Variants in ANK3 observed in about 807,000 individuals in gnomAD.
ANK3 encodes the protein ankyrin-3.
In ANK3, 57 loss-of-function variants were observed where a neutral mutation model predicts 370.9. That is an observed-to-expected ratio of 0.15 (90% CI 0.12 to 0.19). The LOEUF (loss-of-function observed/expected upper bound fraction) is 0.19, where lower values mean the gene tolerates loss of function less well. Ranked by LOEUF, ANK3 falls within the 10% of genes least tolerant of loss-of-function variation. The pLI, the probability that ANK3 is intolerant of heterozygous loss-of-function variation, is 1.00. For missense variants in ANK3, 4,439 were observed against 5,302.1 expected (o/e 0.84, Z 5.06); for synonymous variants, 1,929 against 1,946.3 (o/e 0.99, Z 0.23).
chr10:60,571,406 C>T (rs184342926), intron 2 of ANK3, among the ~76,000 whole-genome samples: 48 of 152,242 alleles, frequency 3.2e-4, no homozygotes, highest in Admixed American at 2.2e-3. Flanking sequence ...ATATATTCCA[C>T]GAGTAGCTGA....
At chr10:60,722,190 G>T (rs1191151920) in intron 1 of ANK3, among the ~76,000 whole-genome samples, 1 of 151,872 alleles carries the variant, frequency 6.6e-6, no homozygotes, top group Non-Finnish European at 1.5e-5. Flanking sequence ...GAAGGATAGG[G>T]CCGCAAAGAA....
chr10:60,674,434 C>A (rs2079099550), intron 1 of ANK3, among the ~76,000 whole-genome samples: 1 of 151,982 alleles, frequency 6.6e-6, no homozygotes, highest in South Asian at 2.1e-4. Flanking sequence ...AGAGAGGGAG[C>A]AGGGAGGAGG....
At chr10:60,492,577 G>C (rs752515305) in intron 2 of ANK3, among the ~76,000 whole-genome samples, 27 of 151,010 alleles carry the variant, frequency 1.8e-4, no homozygotes, top group South Asian at 6.3e-4. Flanking sequence ...CATGGTGGCG[G>C]GCACCTGTAG....
chr10:60,341,773 G>A (rs1463148865), intron 1 of ANK3, among the ~76,000 whole-genome samples: 1 of 152,160 alleles, frequency 6.6e-6, no homozygotes, highest in Non-Finnish European at 1.5e-5. Flanking sequence ...ACACAGTTTA[G>A]TCAAAAGAAA....
chr10:60,555,694 A>C (rs995611676), intron 2 of ANK3, among the ~76,000 whole-genome samples: 2 of 152,124 alleles, frequency 1.3e-5, no homozygotes, highest in Non-Finnish European at 2.9e-5. Context: ...GAGTAACATC[A>C]GTTTGGACCG....
At chr10:60,641,250 T>C (rs1457981499) in intron 1 of ANK3, among the ~76,000 whole-genome samples, 1 of 149,290 alleles carries the variant, frequency 6.7e-6, no homozygotes, top group Admixed American at 6.7e-5. Flanking sequence ...AAGCTACCAA[T>C]GACTTTCTTC....
At chr10:60,323,248 T>C (rs542267386) in intron 1 of ANK3, among the ~76,000 whole-genome samples, 37 of 152,296 alleles carry the variant, frequency 2.4e-4, no homozygotes, top group South Asian at 6.2e-4. Flanking sequence ...TGCAGGAGCA[T>C]AGAAGTCCCT....
In ANK3 at chr10:60,074,547, G is replaced by T; in HGVS notation, c.6334C>A (p.Pro2112Thr). ...FFGTDTILESPDDFSQHDQDK... is the reference protein window; with the variant it reads ...FFGTDTILESTDDFSQHDQDK... ...TGGTCGTGTTGAGAAAAGTCATCAG[G>T]AGACTCTAAAATAGTATCTGTTCCA... Residue 2112 changes from proline (P) to threonine (T), a missense_variant, in exon 37 of 44, where the codon CCT becomes ACT. Pro to Thr is a conservative substitution (Grantham distance 38). This residue lies in a region of ANK3 where 679 missense variants were observed against 791.0 expected (regional missense o/e 0.86). Transcript: ENST00000280772. 6.2e-7 allele frequency: 1 copy of T among 1,614,002 alleles called. No individual in the cohort carries two copies. The highest frequency in any genetic ancestry group is 8.5e-7 in the Non-Finnish European group (1 of 1,179,988).
intron 40 of ANK3, among the ~76,000 whole-genome samples, chr10:60,060,907 G>T (rs1187562005): frequency 6.6e-6 from 1 of 152,134 alleles, no homozygotes; most frequent in Non-Finnish European, 1.5e-5. Flanking sequence ...AAAAGGGGAG[G>T]GGGGAACGAA....
chr10:60,635,458 GC>G (rs1216118557), intron 1 of ANK3, among the ~76,000 whole-genome samples: 1 of 152,010 alleles, frequency 6.6e-6, no homozygotes, highest in African/African-American at 2.4e-5. Flanking sequence ...ACAACCAAGG[GC>G]CACTCCTTCT....
At chr10:60,262,347 A>G (rs2097820056) in intron 6 of ANK3, among the ~76,000 whole-genome samples, 1 of 152,206 alleles carries the variant, frequency 6.6e-6, no homozygotes, top group African/African-American at 2.4e-5. Flanking sequence ...TAGTTTATAT[A>G]TTTGATATAG....
intron 30 of ANK3, among the ~76,000 whole-genome samples, chr10:60,085,803 A>G (rs993124347): frequency 3.3e-5 from 5 of 152,022 alleles, no homozygotes; most frequent in Admixed American, 1.3e-4. Flanking sequence ...TTTAGTAGAG[A>G]CGGGGTTTCA....
At chr10:60,375,476 G>A (rs1365875774) in intron 1 of ANK3, among the ~76,000 whole-genome samples, 2 of 151,534 alleles carry the variant, frequency 1.3e-5, no homozygotes, top group African/African-American at 4.9e-5. Context: ...GAACTCAAAG[G>A]TAACCCATTA....
chr10:60,620,987 C>T (rs1019108461), intron 1 of ANK3, among the ~76,000 whole-genome samples: 4 of 152,014 alleles, frequency 2.6e-5, no homozygotes, highest in Non-Finnish European at 4.4e-5. Flanking sequence ...CTAAATTGCC[C>T]GAAGTTACGC....
At chr10:60,208,550 T>C (rs527923919) in intron 9 of ANK3, among the ~76,000 whole-genome samples, 1 of 152,266 alleles carries the variant, frequency 6.6e-6, no homozygotes, top group South Asian at 2.1e-4. Context: ...AGAGATGGGG[T>C]TTCACTCTGT....
intron 23 of ANK3, chr10:60,139,777 T>C (rs1288841368): frequency 6.5e-6 from 1 of 153,450 alleles, no homozygotes; most frequent in Non-Finnish European, 1.5e-5. Flanking sequence ...TATAAATTGC[T>C]CTTTAATTAT....
chr10:60,439,746 A>G (rs1159124390), intron 2 of ANK3, among the ~76,000 whole-genome samples: 1 of 152,166 alleles, frequency 6.6e-6, no homozygotes, highest in Non-Finnish European at 1.5e-5. Context: ...TGGGTAAGAC[A>G]TTTCACCTCT....
At chr10:60,321,497 T>A (rs1280239918) in intron 1 of ANK3, among the ~76,000 whole-genome samples, 4 of 152,206 alleles carry the variant, frequency 2.6e-5, no homozygotes, top group Admixed American at 6.5e-5. Flanking sequence ...GGTAAATATA[T>A]GTGGACATGA....
At chr10:60,496,800 A>G (rs2075669777) in intron 2 of ANK3, among the ~76,000 whole-genome samples, 1 of 151,568 alleles carries the variant, frequency 6.6e-6, no homozygotes, top group Non-Finnish European at 1.5e-5. Context: ...GTAAGGTTGA[A>G]CTGCTTGGCC....
Sources: gnomAD v4.1 joint callset for allele counts (sites outside exome capture counted in the v4.1 genomes callset) on GRCh38, gnomAD v4.1.1 for gene constraint, gnomAD v4.1.1 regional missense constraint, MANE v1.5 for transcripts, NCBI Gene and HGNC (gene_info 2026-07-23, HGNC 2026-07-21) for gene names.